The following TRPC5 variants were observed in gnomAD, a reference collection of about 807,000 sequenced individuals.
TRPC5 encodes the protein short transient receptor potential channel 5.
In TRPC5, 9 loss-of-function variants were observed where a neutral mutation model predicts 56.5. The ratio of observed to expected loss-of-function variants is 0.16; its 90% CI spans 0.10 to 0.28. TRPC5 has a LOEUF of 0.28. TRPC5 is among the 10% of genes least tolerant of loss of function. The probability of loss-of-function intolerance (pLI) is 1.00; values close to 1 mark genes in which losing one functional copy is unlikely to be tolerated. For missense variants in TRPC5, 469 were observed against 748.9 expected (o/e 0.63, Z 4.36); for synonymous variants, 282 against 278.5 (o/e 1.01, Z -0.13).
intron 7 of TRPC5, among the ~76,000 whole-genome samples, chrX:111,798,261 G>A (rs1921172735): frequency 8.9e-6 from 1 of 112,050 alleles, no homozygotes; most frequent in South Asian, 3.6e-4. Flanking sequence ...GAAATTAACT[G>A]TAATACATAC....
At chrX:111,805,088 T>G (rs1189632094) in intron 7 of TRPC5, among the ~76,000 whole-genome samples, 2 of 112,231 alleles carry the variant, frequency 1.8e-5, no homozygotes, top group Non-Finnish European at 3.8e-5. Context: ...GAAGGCCTTT[T>G]CTGCATCTAT....
In TRPC5 at chrX:111,768,965, CACA is replaced by C. The variant is rs60581083; in HGVS notation, c.*7345_*7347del. Among the ~76,000 whole-genome samples the C allele has an allele frequency of 0.078, 8,740 of 111,453 alleles. 865 individuals carry two copies. The highest frequency in any genetic ancestry group is 0.27 in the African/African-American group (8,178 of 30,482). On this transcript the variant is annotated 3_prime_UTR_variant, in exon 11 of 11. Coordinates refer to ENST00000262839, the MANE Select transcript of TRPC5 (RefSeq NM_012471.3). Reference sequence around the variant, plus strand: ...ACAAGGAGGTCCTACAAGGTGTGGCCACAACATGATGAGGCTATACTTTAAATA... The same window carrying C: ...ACAAGGAGGTCCTACAAGGTGTGGCCACATGATGAGGCTATACTTTAAATA...
chrX:111,895,325 T>G, intron 3 of TRPC5, among the ~76,000 whole-genome samples: 1 of 111,857 alleles, frequency 8.9e-6, no homozygotes, highest in Non-Finnish European at 1.9e-5. Context: ...ATTCGGATAT[T>G]CTCCTCTATG....
At chrX:112,072,997 T>C (rs73550159) in intron 1 of TRPC5, among the ~76,000 whole-genome samples, 5,515 of 112,179 alleles carry the variant, frequency 0.049, 311 homozygotes, top group African/African-American at 0.17. Flanking sequence ...TGATAATTTA[T>C]ATTTTAAAAT....
At chrX:111,945,704 G>A (rs902711111) in intron 2 of TRPC5, among the ~76,000 whole-genome samples, 4 of 112,224 alleles carry the variant, frequency 3.6e-5, no homozygotes, top group East Asian at 2.8e-4. Flanking sequence ...GAGCACAAGA[G>A]TCTGGGATAA....
In TRPC5 at chrX:111,771,092, G is replaced by A. The variant is rs1211822642; in HGVS notation, c.*5221C>T. Among the ~76,000 whole-genome samples, 1 of 111,663 alleles carries A rather than the reference G, an allele frequency of 9.0e-6. No homozygotes were observed. The highest frequency in any genetic ancestry group is 1.9e-5 in the Non-Finnish European group (1 of 53,100). ...TTTTTGGTTCTATCAAGTCACTGGA[G>A]TTATAAAGAAAGTTCTTTGAGGGGG... On this transcript the variant is annotated 3_prime_UTR_variant, in exon 11 of 11. Transcript: ENST00000262839.
chrX:111,781,512 T>G (rs1323577538), intron 8 of TRPC5, among the ~76,000 whole-genome samples: 1 of 111,055 alleles, frequency 9.0e-6, no homozygotes, highest in Non-Finnish European at 1.9e-5. Context: ...GATCACGAGG[T>G]CAGGAGTTCA....
intron 1 of TRPC5, among the ~76,000 whole-genome samples, chrX:112,049,729 T>C (rs935831968): frequency 3.6e-5 from 4 of 111,012 alleles, no homozygotes; most frequent in African/African-American, 1.3e-4. Context: ...TGTCTGAACA[T>C]AGGATTTGGT....
chrX:111,897,908 G>A (rs779499667), intron 3 of TRPC5, among the ~76,000 whole-genome samples: 13 of 110,838 alleles, frequency 1.2e-4, no homozygotes, highest in Non-Finnish European at 2.1e-4. Flanking sequence ...TAGAATTGCT[G>A]GGATATAGAT....
At position 111,989,249 on chromosome X, in the gene TRPC5, A is replaced by G. The variant is rs980038570; in HGVS notation, c.-21-36808T>C. On this transcript the variant is annotated intron_variant, in intron 1 of 10. Transcript: ENST00000262839. ...TTCAAGATTCAAAGCTGTAAGTTGGAAAGAAAGGCTTTTCAGACCCCATGA... is the reference window on the plus strand; with the variant it reads ...TTCAAGATTCAAAGCTGTAAGTTGGGAAGAAAGGCTTTTCAGACCCCATGA... Among the ~76,000 whole-genome samples, 4 of 111,954 alleles carry G rather than the reference A, an allele frequency of 3.6e-5. No individual in the cohort carries two copies. The Admixed American group carries it at 3.8e-4, about 11-fold the overall frequency.
At chrX:111,805,780 T>G (rs1370093673) in intron 7 of TRPC5, among the ~76,000 whole-genome samples, 1 of 110,783 alleles carries the variant, frequency 9.0e-6, no homozygotes, top group Non-Finnish European at 1.9e-5. Context: ...TCAAGTGATA[T>G]TCCCACCTCA....
intron 7 of TRPC5, among the ~76,000 whole-genome samples, chrX:111,809,123 G>A (rs1450742902): frequency 9.0e-6 from 1 of 110,712 alleles, no homozygotes; most frequent in Non-Finnish European, 1.9e-5. Context: ...GATTGTGAGA[G>A]GGGTGGTACA....
At position 111,773,044 on chromosome X, in the gene TRPC5, GATTTA is replaced by G. The variant is rs1945852444; in HGVS notation, c.*3264_*3268del. On this transcript the variant is annotated 3_prime_UTR_variant, in exon 11 of 11. Coordinates refer to ENST00000262839, the MANE Select transcript of TRPC5 (RefSeq NM_012471.3). ...GTGGAGGCGTTCGTTTTTTAAAAATGATTTAATCAAATTGCAGACAGGTATTTACG... is the reference window on the plus strand; with the variant it reads ...GTGGAGGCGTTCGTTTTTTAAAAATGATCAAATTGCAGACAGGTATTTACG... Among the ~76,000 whole-genome samples, 2 of 111,374 alleles carry G rather than the reference GATTTA, an allele frequency of 1.8e-5. No homozygotes were observed. Among genetic ancestry groups the G allele is most frequent in the African/African-American group, 6.5e-5 (2 of 30,649 alleles).
chrX:111,900,605 C>T (rs918488454), intron 3 of TRPC5, among the ~76,000 whole-genome samples: 2 of 111,452 alleles, frequency 1.8e-5, no homozygotes, highest in African/African-American at 6.5e-5. Flanking sequence ...AATGTAGACC[C>T]TGAAGCTTCG....
At chrX:112,056,955 C>T (rs899221254) in intron 1 of TRPC5, among the ~76,000 whole-genome samples, 1 of 112,288 alleles carries the variant, frequency 8.9e-6, no homozygotes, top group Non-Finnish European at 1.9e-5. Flanking sequence ...CATTTTCTTC[C>T]TTGGCTGCTC....
chrX:112,039,489 G>A (rs1277773612), intron 1 of TRPC5, among the ~76,000 whole-genome samples: 1 of 111,846 alleles, frequency 8.9e-6, no homozygotes. Flanking sequence ...CGTATGGTTT[G>A]GTCATATCCC....
chrX:111,910,648 C>T (rs1414855849), intron 3 of TRPC5, among the ~76,000 whole-genome samples: 1 of 112,281 alleles, frequency 8.9e-6, no homozygotes, highest in East Asian at 2.8e-4. Flanking sequence ...TCTCGTGTCT[C>T]AGCCTCTGGA....
At chrX:111,828,874 T>C (rs1485431610) in intron 7 of TRPC5, among the ~76,000 whole-genome samples, 2 of 111,919 alleles carry the variant, frequency 1.8e-5, no homozygotes, top group African/African-American at 6.5e-5. Context: ...TGACTCTTGG[T>C]TTGCTTTAGC....
chrX:111,829,794 G>A (rs964851337), intron 7 of TRPC5, among the ~76,000 whole-genome samples: 1 of 113,325 alleles, frequency 8.8e-6, no homozygotes, highest in African/African-American at 3.2e-5. Flanking sequence ...CCAGGCAGAG[G>A]TGTGCTGCAG....
Sources: gnomAD v4.1 joint callset for allele counts (sites outside exome capture counted in the v4.1 genomes callset) on GRCh38, gnomAD v4.1.1 for gene constraint, MANE v1.5 for transcripts, NCBI Gene and HGNC (gene_info 2026-07-23, HGNC 2026-07-21) for gene names.